TASP1: variants seen among roughly 807,000 people sequenced by gnomAD.
The protein encoded by TASP1 is taspase 1, also known as threonine aspartase 1.
TASP1 carries 16 observed loss-of-function variants against 56.6 expected under a neutral mutation model. The ratio of observed to expected loss-of-function variants is 0.28; its 90% CI spans 0.19 to 0.43. The LOEUF (loss-of-function observed/expected upper bound fraction) is 0.43, where lower values mean the gene tolerates loss of function less well. Ranked by LOEUF, TASP1 falls within the 20% of genes least tolerant of loss-of-function variation. The pLI is 1.00. For synonymous variants in TASP1, 179 were observed against 184.2 expected (o/e 0.97, Z 0.23); for missense variants, 393 against 511.6 (o/e 0.77, Z 2.24).
At chr20:13,277,514 T>C in the TASP1 span, among the ~76,000 whole-genome samples, 1 of 152,218 alleles carries the variant, frequency 6.6e-6, no homozygotes, top group Admixed American at 6.5e-5. Context: ...TGTGTGCTCC[T>C]TCTCCACTTG....
At chr20:13,321,402 C>G in the TASP1 span, among the ~76,000 whole-genome samples, 2 of 152,070 alleles carry the variant, frequency 1.3e-5, no homozygotes, top group East Asian at 3.9e-4. Flanking sequence ...GACCAGAAAC[C>G]CTCTGAAGCC....
chr20:13,508,370 A>G (rs1223307367), intron 10 of TASP1, among the ~76,000 whole-genome samples: 1 of 152,158 alleles, frequency 6.6e-6, no homozygotes, highest in African/African-American at 2.4e-5. Flanking sequence ...ACCTAACCCA[A>G]AAATCTAAAA....
the TASP1 span, among the ~76,000 whole-genome samples, chr20:13,175,053 C>G: frequency 6.6e-6 from 1 of 152,116 alleles, no homozygotes; most frequent in African/African-American, 2.4e-5. Context: ...TAAGGCCTCC[C>G]CAGTCATGTG....
intron 4 of TASP1, among the ~76,000 whole-genome samples, chr20:13,598,223 A>T (rs1174472755): frequency 6.6e-6 from 1 of 152,244 alleles, no homozygotes; most frequent in African/African-American, 2.4e-5. Context: ...CTGCATTGCC[A>T]AGACAATCCT....
chr20:13,321,949 T>C, the TASP1 span, among the ~76,000 whole-genome samples: 3 of 152,268 alleles, frequency 2.0e-5, no homozygotes, highest in Non-Finnish European at 4.4e-5. Context: ...CGTTTCTTCA[T>C]TGTAAAATAT....
chr20:13,321,154 A>T, the TASP1 span, among the ~76,000 whole-genome samples: 2 of 151,104 alleles, frequency 1.3e-5, no homozygotes, highest in African/African-American at 4.9e-5. Context: ...GTGAGCTGAG[A>T]TCATGCCACT....
intron 10 of TASP1, among the ~76,000 whole-genome samples, chr20:13,526,696 G>A (rs2044993607): frequency 6.6e-6 from 1 of 152,132 alleles, no homozygotes; most frequent in African/African-American, 2.4e-5. Flanking sequence ...AGCTAGGTCA[G>A]GAGGCTGCTA....
the TASP1 span, among the ~76,000 whole-genome samples, chr20:13,178,651 A>C: frequency 6.6e-6 from 1 of 152,040 alleles, no homozygotes; most frequent in Non-Finnish European, 1.5e-5. Context: ...CAGGAACAGA[A>C]AGTTAAACAC....
the TASP1 span, among the ~76,000 whole-genome samples, chr20:13,359,584 C>A: frequency 3.3e-5 from 5 of 151,118 alleles, no homozygotes; most frequent in African/African-American, 1.2e-4. Flanking sequence ...GACCTGTTTC[C>A]CTTGCCTCCA....
chr20:13,286,206 G>C, the TASP1 span, among the ~76,000 whole-genome samples: 5 of 152,092 alleles, frequency 3.3e-5, no homozygotes, highest in East Asian at 9.6e-4. Context: ...GCTCATGTGC[G>C]TATGACCCGC....
At chr20:13,564,405 A>C (rs1328269483) in intron 7 of TASP1, among the ~76,000 whole-genome samples, 1 of 152,212 alleles carries the variant, frequency 6.6e-6, no homozygotes, top group Non-Finnish European at 1.5e-5. Flanking sequence ...TGTATGCTGA[A>C]AACTACAAAA....
intron 5 of TASP1, among the ~76,000 whole-genome samples, chr20:13,585,956 G>T (rs545988721): frequency 6.6e-6 from 1 of 152,120 alleles, no homozygotes; most frequent in South Asian, 2.1e-4. Flanking sequence ...CCAACATGGT[G>T]AAACCCTGTT....
the TASP1 span, among the ~76,000 whole-genome samples, chr20:13,344,346 C>T: frequency 1.3e-5 from 2 of 152,038 alleles, no homozygotes; most frequent in Non-Finnish European, 2.9e-5. Flanking sequence ...TCCTTCAACA[C>T]AACATTTGGA....
At chr20:13,147,523 T>C in the TASP1 span, among the ~76,000 whole-genome samples, 1 of 152,098 alleles carries the variant, frequency 6.6e-6, no homozygotes, top group African/African-American at 2.4e-5. Context: ...TCTGCCCCCT[T>C]GCCAAGCCAG....
At chr20:13,227,009 A>G in the TASP1 span, among the ~76,000 whole-genome samples, 2 of 152,314 alleles carry the variant, frequency 1.3e-5, no homozygotes, top group Non-Finnish European at 2.9e-5. Context: ...GCAAGGACAT[A>G]AAGTGTCCTT....
At chr20:13,276,013 T>C in the TASP1 span, among the ~76,000 whole-genome samples, 1 of 152,218 alleles carries the variant, frequency 6.6e-6, no homozygotes, top group Non-Finnish European at 1.5e-5. Flanking sequence ...CCCTTGTTCT[T>C]AGAGCATCAG....
intron 12 of TASP1, among the ~76,000 whole-genome samples, chr20:13,420,657 A>G (rs1021506236): frequency 5.3e-5 from 8 of 152,264 alleles, no homozygotes; most frequent in Non-Finnish European, 7.3e-5. Flanking sequence ...TCTTAGTGGA[A>G]GACTTCAGGG....
chr20:13,491,754 T>C (rs1190825325), intron 10 of TASP1, among the ~76,000 whole-genome samples: 1 of 152,190 alleles, frequency 6.6e-6, no homozygotes, highest in Non-Finnish European at 1.5e-5. Flanking sequence ...TATATCTTCA[T>C]TGCATTTCTA....
At chr20:13,361,194 G>A in the TASP1 span, among the ~76,000 whole-genome samples, 1 of 152,150 alleles carries the variant, frequency 6.6e-6, no homozygotes, top group Non-Finnish European at 1.5e-5. Context: ...CATGCCCTGA[G>A]TCAGATAACT....
Sources: gnomAD v4.1 joint callset for allele counts (sites outside exome capture counted in the v4.1 genomes callset) on GRCh38, gnomAD v4.1.1 for gene constraint, MANE v1.5 for transcripts, NCBI Gene and HGNC (gene_info 2026-07-23, HGNC 2026-07-21) for gene names.